IFI16: variants seen among roughly 807,000 people sequenced by gnomAD.
IFI16 encodes the protein gamma-interferon-inducible protein 16.
A neutral mutation model predicts 68.4 loss-of-function variants in IFI16; 49 were observed. The ratio of observed to expected loss-of-function variants is 0.72; its 90% CI spans 0.57 to 0.91. The LOEUF (loss-of-function observed/expected upper bound fraction) is 0.91, where lower values mean the gene tolerates loss of function less well. Ranked by LOEUF, IFI16 falls within the 40% of genes least tolerant of loss-of-function variation. IFI16 has a pLI of 0.00. For missense variants in IFI16, 878 were observed against 942.9 expected (o/e 0.93, Z 0.90); for synonymous variants, 307 against 315.0 (o/e 0.97, Z 0.27).
intron 8 of IFI16, among the ~76,000 whole-genome samples, chr1:159,045,746 A>G (rs1333563957): frequency 6.6e-6 from 1 of 151,252 alleles, no homozygotes; most frequent in Non-Finnish European, 1.5e-5. Flanking sequence ...CGAAAATAAT[A>G]CTTTAAGGTA....
intron 7 of IFI16, among the ~76,000 whole-genome samples, chr1:159,044,010 A>G (rs1654825553): frequency 6.6e-6 from 1 of 152,196 alleles, no homozygotes; most frequent in South Asian, 2.1e-4. Flanking sequence ...AGCATGAAAT[A>G]TCTGTTCACC....
chr1:159,019,527 C>T (rs1018903949), intron 5 of IFI16, among the ~76,000 whole-genome samples: 3 of 150,916 alleles, frequency 2.0e-5, no homozygotes, highest in Admixed American at 6.6e-5. Context: ...GGCGCGATCT[C>T]GGCTCACTGC....
At chr1:159,039,396 T>C (rs1352588476) in intron 7 of IFI16, among the ~76,000 whole-genome samples, 1 of 152,148 alleles carries the variant, frequency 6.6e-6, no homozygotes, top group Non-Finnish European at 1.5e-5. Flanking sequence ...CAGGATGGAG[T>C]GCAGTGGCAT....
Position 159,054,922 on chromosome 1 carries a change from T to A in IFI16, c.*21T>A. On this transcript the variant is annotated 3_prime_UTR_variant, in exon 12 of 12. Transcript: ENST00000295809. ...TCTAAAATCTGGATGTCATTGACGA[T>A]AATGTTTATGGAGATAAGGTCTAAG... The A allele has an allele frequency of 7.0e-7, 1 of 1,427,398 alleles. No individual in the cohort carries two copies. 88.4% of individuals were successfully genotyped at this position (1,427,398 alleles called of 1,614,324 possible).
upstream of IFI16, chr1:159,009,795 T>A (rs147932948): frequency 1.3e-5 from 2 of 152,186 alleles, no homozygotes; most frequent in African/African-American, 4.8e-5. Flanking sequence ...ATCCCCCATT[T>A]CCCCTCACCA....
intron 9 of IFI16, among the ~76,000 whole-genome samples, chr1:159,050,954 A>G (rs1571897567): frequency 6.6e-6 from 1 of 152,196 alleles, no homozygotes; most frequent in Non-Finnish European, 1.5e-5. Context: ...AAATGCCCCT[A>G]TCTACTAGAA....
At chr1:159,013,135 G>T (rs1014020174) in intron 1 of IFI16, among the ~76,000 whole-genome samples, 5 of 146,568 alleles carry the variant, frequency 3.4e-5, no homozygotes, top group Non-Finnish European at 6.0e-5. Flanking sequence ...TCAGTCCAAG[G>T]ATCCTCATGT....
intron 7 of IFI16, among the ~76,000 whole-genome samples, chr1:159,036,661 C>G (rs1654345731): frequency 6.6e-6 from 1 of 152,158 alleles, no homozygotes; most frequent in African/African-American, 2.4e-5. Flanking sequence ...CTGCAAGGCT[C>G]CTAATGAAAA....
At chr1:159,042,809 G>A (rs1434136171) in intron 7 of IFI16, among the ~76,000 whole-genome samples, 1 of 32,510 alleles carries the variant, frequency 3.1e-5, no homozygotes, top group Non-Finnish European at 6.3e-5. Flanking sequence ...ACACTTGTGT[G>A]TTGTCAACAC....
At position 159,054,975 on chromosome 1, in the gene IFI16, T is replaced by C. The variant is rs1005591407; in HGVS notation, c.*74T>C. The C allele has an allele frequency of 3.9e-6, 3 of 771,276 alleles. No individual in the cohort carries two copies. The highest frequency in any genetic ancestry group is 3.4e-5 in the African/African-American group (2 of 58,116). 47.8% of individuals were successfully genotyped at this position (771,276 alleles called of 1,614,324 possible). ...CCTAAAAAAATGTACATATACCTGG[T>C]TGAAATACAACACTATACATACACA... On this transcript the variant is annotated 3_prime_UTR_variant, in exon 12 of 12. Coordinates refer to ENST00000295809, the MANE Select transcript of IFI16 (RefSeq NM_001376587.1).
chr1:159,037,624 A>G (rs909288030), intron 7 of IFI16, among the ~76,000 whole-genome samples: 1 of 152,200 alleles, frequency 6.6e-6, no homozygotes, highest in African/African-American at 2.4e-5. Flanking sequence ...GAAATCTACA[A>G]TCTGCTGAAA....
At chr1:159,024,525 C>T (rs1653530619) in intron 6 of IFI16, among the ~76,000 whole-genome samples, 1 of 152,164 alleles carries the variant, frequency 6.6e-6, no homozygotes, top group Non-Finnish European at 1.5e-5. Flanking sequence ...TAACTTTGCT[C>T]TTGAGTAGTT....
intron 7 of IFI16, among the ~76,000 whole-genome samples, chr1:159,043,775 A>C (rs1251938146): frequency 6.6e-6 from 1 of 152,238 alleles, no homozygotes; most frequent in East Asian, 1.9e-4. Flanking sequence ...AAATGCTTGC[A>C]CTTTTAAAAT....
intron 7 of IFI16, among the ~76,000 whole-genome samples, chr1:159,042,094 C>T (rs986875833): frequency 3.3e-5 from 5 of 152,190 alleles, no homozygotes; most frequent in Admixed American, 6.5e-5. Flanking sequence ...CTTCTACCTC[C>T]GGTACAGCCA....
chr1:159,043,685 C>G lies in IFI16; in HGVS notation c.1330-1612C>G, dbSNP rs976185811. Among the ~76,000 whole-genome samples the G allele has an allele frequency of 2.6e-5, 4 of 152,182 alleles. No homozygotes were observed. In the South Asian group the frequency reaches 6.2e-4, roughly 24 times the overall value. On this transcript the variant is annotated intron_variant, in intron 7 of 11. Coordinates refer to ENST00000295809, the MANE Select transcript of IFI16 (RefSeq NM_001376587.1). The stretch of plus-strand genomic sequence containing the variant: ...CTATTACCTTTGATTTATGCTGTTA[C>G]GTATCCTGAAGTGAACAGTACACAA...
At chr1:159,046,403 C>A (rs1654988024) in intron 8 of IFI16, among the ~76,000 whole-genome samples, 1 of 151,072 alleles carries the variant, frequency 6.6e-6, no homozygotes. Flanking sequence ...ATGCGTTATT[C>A]CTGGTTTTGA....
intron 1 of IFI16, among the ~76,000 whole-genome samples, chr1:159,000,893 T>TA (rs1425603297): frequency 6.6e-6 from 1 of 152,130 alleles, no homozygotes; most frequent in Non-Finnish European, 1.5e-5. Flanking sequence ...GAGATCTGAT[T>TA]ATTTAAAGTG....
At chr1:159,034,821 A>G (rs1219228267) in intron 7 of IFI16, among the ~76,000 whole-genome samples, 1 of 152,124 alleles carries the variant, frequency 6.6e-6, no homozygotes, top group East Asian at 1.9e-4. Flanking sequence ...CCTTTTATAT[A>G]CCATAAGCTC....
rs754287777 is a variant in IFI16 at position 159,049,448 on chromosome 1, T to C, written c.1514T>C (p.Ile505Thr). The change falls in exon 9 of 12, where the codon ATC becomes ACC. Residue 505 changes from isoleucine to threonine, a missense_variant. By Grantham distance (89) the Ile-to-Thr change is moderately conservative (BLOSUM62 -1). Transcript: ENST00000295809. ...SFLTTKSEDT[I>T]SKMNDFMRMQ... ...TTCCTTTAGAAAAGTGAAGACACAA[T>C]CTCCAAAATGAATGACTTCATGAGG... 6 of 1,450,570 alleles carry C rather than the reference T, an allele frequency of 4.1e-6. No homozygotes were observed. The highest frequency in any genetic ancestry group is 2.0e-5 in the Admixed American group (1 of 50,644). The allele number at this position is 1,450,570 out of a possible 1,614,324, so 89.9% of individuals were successfully genotyped here. A position where few individuals can be genotyped will look rare whatever the true frequency, so the allele number is the denominator to read the frequency against.
Sources: allele counts gnomAD v4.1 joint callset (sites outside exome capture counted in the v4.1 genomes callset), GRCh38; gene constraint gnomAD v4.1.1; transcripts MANE v1.5; gene names NCBI Gene and HGNC (gene_info 2026-07-23, HGNC 2026-07-21).